The following NEDD4L variants were observed in gnomAD, a reference collection of about 807,000 sequenced individuals.
NEDD4L encodes the protein NEDD4 like E3 ubiquitin protein ligase, also known as E3 ubiquitin-protein ligase NEDD4-like.
Under a neutral mutation model 148.9 loss-of-function variants are expected in NEDD4L, and 54 were observed. That is an observed-to-expected ratio of 0.36 (90% CI 0.29 to 0.45). The LOEUF is 0.45. Ranked by LOEUF, NEDD4L falls within the 20% of genes least tolerant of loss-of-function variation. NEDD4L has a pLI of 1.00. For synonymous variants in NEDD4L, 433 were observed against 440.7 expected (o/e 0.98, Z 0.22); for missense variants, 856 against 1,233.8 (o/e 0.69, Z 4.59).
At chr18:58,284,514 C>T (rs2053616604) in intron 5 of NEDD4L, among the ~76,000 whole-genome samples, 1 of 151,890 alleles carries the variant, frequency 6.6e-6, no homozygotes, top group Non-Finnish European at 1.5e-5. Context: ...AGACAAAAAG[C>T]TTTGTGGGGC....
chr18:58,131,855 T>C (rs9636032), intron 1 of NEDD4L, among the ~76,000 whole-genome samples: 47,410 of 152,130 alleles, frequency 0.31, 7,700 homozygotes, highest in Non-Finnish European at 0.36. Flanking sequence ...TATGCCTGTA[T>C]ACCTGGAAAG....
intron 10 of NEDD4L, 114 bp downstream of exon 10, chr18:58,329,241 T>C (rs1336420849): frequency 1.7e-6 from 2 of 1,207,908 alleles, no homozygotes; most frequent in Admixed American, 2.5e-5. Context: ...AATGTAAAGA[T>C]TACAGTGACG....
intron 2 of NEDD4L, among the ~76,000 whole-genome samples, chr18:58,180,563 C>T (rs2038749357): frequency 6.6e-6 from 1 of 152,230 alleles, no homozygotes; most frequent in Admixed American, 6.5e-5. Flanking sequence ...CCTCCCCACC[C>T]CTTGGCTGAA....
Position 58,301,816 on chromosome 18 carries a change from A to G in NEDD4L, c.298-14166A>G, listed in dbSNP as rs576070109. ...AGAATACCCATTAATGTTTAGGATG[A>G]CCAAGAAACTGTGCCCAGGCCCCAA... is the stretch of plus-strand genomic sequence containing the variant. On this transcript the variant is annotated intron_variant, in intron 5 of 30. Coordinates refer to ENST00000400345, the MANE Select transcript of NEDD4L (RefSeq NM_001144967.3). Among the ~76,000 whole-genome samples the G allele has an allele frequency of 1.1e-4, 16 of 152,332 alleles. No homozygotes were observed. In the South Asian group the frequency reaches 2.5e-3, roughly 24 times the overall value.
At chr18:58,108,897 C>T (rs2085243332) in intron 1 of NEDD4L, among the ~76,000 whole-genome samples, 1 of 152,176 alleles carries the variant, frequency 6.6e-6, no homozygotes, top group Non-Finnish European at 1.5e-5. Flanking sequence ...CTGTACACAT[C>T]ACATTGGATT....
rs1202605412 is a variant in NEDD4L, at chr18:58,329,021, ACAT to A, written c.710_712del (p.Ile237del). On this transcript the variant is annotated inframe_deletion, in exon 10 of 31. Transcript: ENST00000400345. ...GACGTGTCCTCGGAGTCGGACAATAACATCAGACAGATCAACCAGGAGGCAGCA... is the reference window on the plus strand; with the variant it reads ...GACGTGTCCTCGGAGTCGGACAATAACAGACAGATCAACCAGGAGGCAGCA... The A allele has an allele frequency of 6.2e-7, 1 of 1,613,976 alleles. No homozygotes were observed. Among genetic ancestry groups the A allele is most frequent in the South Asian group, 1.1e-5 (1 of 91,084 alleles).
intron 5 of NEDD4L, among the ~76,000 whole-genome samples, chr18:58,279,704 C>G (rs939769808): frequency 6.6e-6 from 1 of 152,156 alleles, no homozygotes; most frequent in Non-Finnish European, 1.5e-5. Context: ...TGCACATGCT[C>G]TGTGATGTAA....
At chr18:58,055,524 C>G (rs1360363188) in intron 1 of NEDD4L, among the ~76,000 whole-genome samples, 1 of 152,146 alleles carries the variant, frequency 6.6e-6, no homozygotes, top group East Asian at 1.9e-4. Context: ...AGTTATAGTA[C>G]TTGTTCAGCA....
intron 1 of NEDD4L, among the ~76,000 whole-genome samples, chr18:58,083,624 C>T (rs879503216): frequency 6.6e-6 from 1 of 152,088 alleles, no homozygotes; most frequent in Non-Finnish European, 1.5e-5. Context: ...GGAGGCAGAG[C>T]TTGCAGTCAG....
chr18:58,226,759 A>G (rs543217945), intron 2 of NEDD4L, among the ~76,000 whole-genome samples: 2 of 152,284 alleles, frequency 1.3e-5, no homozygotes, highest in South Asian at 4.2e-4. Flanking sequence ...ATGAGGCCTC[A>G]CTGCTACAGC....
rs569947796 is a variant in NEDD4L at position 58,055,906 on chromosome 18, T to C, written c.48+11198T>C. Among the ~76,000 whole-genome samples, 23 of 152,324 alleles carry C rather than the reference T, an allele frequency of 1.5e-4. No individual in the cohort carries two copies. In the South Asian group the frequency reaches 4.8e-3, roughly 32 times the overall value. Reference sequence around the variant, plus strand: ...TGATCAGACTCAAATCCATTTCTCCTTATTATTGTTTTCTTAGGTTTTGAG... The same window carrying C: ...TGATCAGACTCAAATCCATTTCTCCCTATTATTGTTTTCTTAGGTTTTGAG... On this transcript the variant is annotated intron_variant, in intron 1 of 30. Transcript: ENST00000400345.
intron 2 of NEDD4L, among the ~76,000 whole-genome samples, chr18:58,198,848 G>A (rs577296622): frequency 6.6e-6 from 1 of 152,238 alleles, no homozygotes; most frequent in African/African-American, 2.4e-5. Flanking sequence ...CTGTCACCCA[G>A]GTCTGGAGTG....
chr18:58,137,745 A>C (rs1156731772), intron 1 of NEDD4L, among the ~76,000 whole-genome samples: 2 of 152,176 alleles, frequency 1.3e-5, no homozygotes, highest in African/African-American at 4.8e-5. Flanking sequence ...TACCACATCA[A>C]ATACAGGTCT....
chr18:58,092,591 A>T (rs562121952), intron 1 of NEDD4L, among the ~76,000 whole-genome samples: 1 of 152,104 alleles, frequency 6.6e-6, no homozygotes, highest in South Asian at 2.1e-4. Flanking sequence ...AATGGAGATG[A>T]GTAGGAATCA....
intron 2 of NEDD4L, chr18:58,189,844 C>G (rs1278104921): frequency 6.6e-6 from 1 of 152,200 alleles, no homozygotes; most frequent in African/African-American, 2.4e-5. Flanking sequence ...CTTCCTCTTT[C>G]CACATTGGGT....
chr18:58,368,546 A>C lies in NEDD4L; in HGVS notation c.2185+679A>C, dbSNP rs192414963. On this transcript the variant is annotated intron_variant, in intron 22 of 30. Transcript: ENST00000400345. The stretch of plus-strand genomic sequence containing the variant: ...AAATACTTTTTAAGAGCCTGGAGGT[A>C]GAGTGGTTGAGGATGGGAAGAGGGA... 3.7e-4 allele frequency among the ~76,000 whole-genome samples: 56 copies of C among 152,360 alleles called. 2 individuals are homozygous for C. The highest frequency in any genetic ancestry group is 1.2e-3 in the African/African-American group (49 of 41,598).
At chr18:58,385,099 C>A (rs1239918067) in intron 25 of NEDD4L, among the ~76,000 whole-genome samples, 1 of 152,154 alleles carries the variant, frequency 6.6e-6, no homozygotes, top group Non-Finnish European at 1.5e-5. Context: ...GTCCTGAGTA[C>A]ACTTTACAAA....
chr18:58,278,579 C>T (rs1169469356), intron 5 of NEDD4L, among the ~76,000 whole-genome samples: 2 of 152,214 alleles, frequency 1.3e-5, no homozygotes, highest in South Asian at 2.1e-4. Context: ...CATTTCCCAG[C>T]GTGTCCCCAC....
intron 2 of NEDD4L, among the ~76,000 whole-genome samples, chr18:58,232,244 C>CA (rs1009932407): frequency 4.8e-4 from 73 of 152,286 alleles, no homozygotes; most frequent in African/African-American, 1.5e-3. Context: ...AGAAGTCCTT[C>CA]AATATCCAGT....
Sources: gnomAD v4.1 joint callset for allele counts (sites outside exome capture counted in the v4.1 genomes callset) on GRCh38, gnomAD v4.1.1 for gene constraint, MANE v1.5 for transcripts, NCBI Gene and HGNC (gene_info 2026-07-23, HGNC 2026-07-21) for gene names.